PIP4K2A: variants seen among roughly 807,000 people sequenced by gnomAD.
The protein encoded by PIP4K2A is phosphatidylinositol-5-phosphate 4-kinase type 2 alpha, also known as phosphatidylinositol 5-phosphate 4-kinase type-2 alpha.
A neutral mutation model predicts 42.9 loss-of-function variants in PIP4K2A; 14 were observed. That is an observed-to-expected ratio of 0.33 (90% CI 0.22 to 0.51). The LOEUF (loss-of-function observed/expected upper bound fraction) is 0.51, where lower values mean the gene tolerates loss of function less well. Among genes scored for constraint, PIP4K2A ranks in the 20% least tolerant of loss-of-function variants. The pLI is 0.97. For synonymous variants in PIP4K2A, 192 were observed against 192.2 expected (o/e 1.00, Z 0.01); for missense variants, 434 against 519.8 (o/e 0.83, Z 1.61).
intron 7 of PIP4K2A, among the ~76,000 whole-genome samples, chr10:22,544,098 T>C (rs141107622): frequency 1.3e-5 from 2 of 152,166 alleles, no homozygotes; most frequent in East Asian, 3.9e-4. Context: ...AGGAGGAAGG[T>C]AACGAGTTAA....
Position 22,621,499 on chromosome 10 carries a change from C to T in PIP4K2A, c.145-11782G>A, listed in dbSNP as rs1838330387. ...AAGGATGTTCTAAAACTAGAGTTCC[C>T]CAAGTAAGCTGTGAAGGCAAAGCTT... On this transcript the variant is annotated intron_variant, in intron 1 of 9. Transcript: ENST00000376573. 3.3e-5 allele frequency among the ~76,000 whole-genome samples: 5 copies of T among 152,108 alleles called. No individual in the cohort carries two copies. The South Asian group carries it at 1.0e-3, about 32-fold the overall frequency.
chr10:22,544,728 C>G (rs1488413526), intron 7 of PIP4K2A, among the ~76,000 whole-genome samples: 2 of 152,178 alleles, frequency 1.3e-5, no homozygotes, highest in African/African-American at 4.8e-5. Context: ...TCCATAGTGC[C>G]GCGTTTCTCA....
intron 4 of PIP4K2A, among the ~76,000 whole-genome samples, chr10:22,573,787 T>G (rs12261508): frequency 0.16 from 23,986 of 152,250 alleles, 2,532 homozygotes; most frequent in African/African-American, 0.31. Context: ...GATATTACAC[T>G]CCACCTAGCG....
intron 6 of PIP4K2A, among the ~76,000 whole-genome samples, chr10:22,559,679 C>T (rs1039381433): frequency 3.3e-5 from 5 of 152,120 alleles, no homozygotes; most frequent in African/African-American, 1.2e-4. Context: ...ATAGCAATCA[C>T]CTTAATCTAT....
intron 1 of PIP4K2A, among the ~76,000 whole-genome samples, chr10:22,639,165 C>T (rs1838726782): frequency 6.6e-6 from 1 of 152,056 alleles, no homozygotes; most frequent in African/African-American, 2.4e-5. Flanking sequence ...CAGAAAAAAA[C>T]ATTTAAAGCA....
At position 22,537,194 on chromosome 10, in the gene PIP4K2A, C is replaced by G. The variant is rs1438341145; in HGVS notation, c.*7G>C. ...ATGTTCATGTCTGTCCGAGGCTGCG[C>G]AGGAGGTTACGTCAAGATGTGGCCA... is the stretch of plus-strand genomic sequence containing the variant. On this transcript the variant is annotated 3_prime_UTR_variant, in exon 10 of 10. Coordinates refer to ENST00000376573, the MANE Select transcript of PIP4K2A (RefSeq NM_005028.5). The G allele has an allele frequency of 6.3e-7, 1 of 1,596,504 alleles. No individual in the cohort carries two copies. The highest frequency in any genetic ancestry group is 8.6e-7 in the Non-Finnish European group (1 of 1,168,928).
chr10:22,693,172 G>A (rs1012405196), intron 1 of PIP4K2A, among the ~76,000 whole-genome samples: 4 of 152,178 alleles, frequency 2.6e-5, no homozygotes, highest in Non-Finnish European at 5.9e-5. Context: ...ATTTGTCAAG[G>A]TTGCTAAGAA....
At chr10:22,714,137 AGAGGAG>A in intron 1 of PIP4K2A, 40 bp downstream of exon 1, 1 of 1,538,958 alleles carries the variant, frequency 6.5e-7, no homozygotes, top group Non-Finnish European at 8.8e-7. Context: ...ACGAGGAGGA[AGAGGAG>A]GAGGAGGAAG....
chr10:22,646,585 C>G (rs998667079), intron 1 of PIP4K2A, among the ~76,000 whole-genome samples: 1 of 152,194 alleles, frequency 6.6e-6, no homozygotes, highest in Non-Finnish European at 1.5e-5. Flanking sequence ...CAAGACCACC[C>G]TTACTTCTGC....
intron 1 of PIP4K2A, among the ~76,000 whole-genome samples, chr10:22,635,823 A>G (rs753307015): frequency 1.3e-5 from 2 of 152,232 alleles, no homozygotes; most frequent in Non-Finnish European, 2.9e-5. Context: ...AGGAATGCTT[A>G]AGAGGTTTCA....
chr10:22,620,601 T>G (rs1838304226), intron 1 of PIP4K2A, among the ~76,000 whole-genome samples: 1 of 152,232 alleles, frequency 6.6e-6, no homozygotes, highest in African/African-American at 2.4e-5. Context: ...TTTTCAGACT[T>G]GAGAACATTT....
At chr10:22,697,859 A>T (rs537646834) in intron 1 of PIP4K2A, among the ~76,000 whole-genome samples, 1 of 152,340 alleles carries the variant, frequency 6.6e-6, no homozygotes, top group Admixed American at 6.5e-5. Flanking sequence ...CCATAGGTCG[A>T]GTCTAACGTT....
Position 22,637,794 on chromosome 10 carries a change from C to T in PIP4K2A, c.145-28077G>A, listed in dbSNP as rs374145869. Among the ~76,000 whole-genome samples the T allele has an allele frequency of 1.9e-4, 29 of 152,274 alleles. No homozygotes were observed. In the South Asian group the frequency reaches 3.3e-3, roughly 17 times the overall value. ...ACAAAGAGTGTAAAATCCCACAAAA[C>T]GTGTTCATTCAACAGTCTTGATGCC... is the stretch of plus-strand genomic sequence containing the variant. On this transcript the variant is annotated intron_variant, in intron 1 of 9. Coordinates refer to ENST00000376573, the MANE Select transcript of PIP4K2A (RefSeq NM_005028.5).
chr10:22,612,342 AAGGCCCAGGCC>A (rs1838066101), intron 1 of PIP4K2A, among the ~76,000 whole-genome samples: 1 of 152,228 alleles, frequency 6.6e-6, no homozygotes, highest in Non-Finnish European at 1.5e-5. Context: ...AAGTATGGAA[AAGGCCCAGGCC>A]AGATGGGGGA....
At chr10:22,559,541 C>A (rs531660783) in intron 6 of PIP4K2A, among the ~76,000 whole-genome samples, 4 of 152,166 alleles carry the variant, frequency 2.6e-5, no homozygotes, top group African/African-American at 7.2e-5. Context: ...CTTTTTGTCA[C>A]GTGCCATGCT....
intron 4 of PIP4K2A, among the ~76,000 whole-genome samples, chr10:22,577,887 C>T (rs1311874925): frequency 1.3e-5 from 2 of 152,208 alleles, no homozygotes; most frequent in Non-Finnish European, 2.9e-5. Context: ...CTGGCACCGC[C>T]TGGATCCTGG....
chr10:22,673,960 T>G (rs1839505383), intron 1 of PIP4K2A, among the ~76,000 whole-genome samples: 1 of 152,238 alleles, frequency 6.6e-6, no homozygotes. Context: ...CAGAGGAATA[T>G]TACAGCCAAA....
chr10:22,623,839 A>C lies in PIP4K2A; in HGVS notation c.145-14122T>G, dbSNP rs150232798. Among the ~76,000 whole-genome samples, 117 of 152,340 alleles carry C rather than the reference A, an allele frequency of 7.7e-4. 1 individual carries two copies. In the East Asian group the frequency reaches 0.016, roughly 21 times the overall value. ...CAACAAGAAGCCACGTGGCAGGCCT[A>C]AGACTGAGCCCTGAGCTCCCAGGGT... On this transcript the variant is annotated intron_variant, in intron 1 of 9. Coordinates refer to ENST00000376573, the MANE Select transcript of PIP4K2A (RefSeq NM_005028.5).
At chr10:22,691,119 T>C (rs1313985047) in intron 1 of PIP4K2A, among the ~76,000 whole-genome samples, 1 of 152,180 alleles carries the variant, frequency 6.6e-6, no homozygotes, top group Non-Finnish European at 1.5e-5. Context: ...AGACGGTGTG[T>C]GCCAAACAGA....
Sources: allele counts gnomAD v4.1 joint callset (sites outside exome capture counted in the v4.1 genomes callset), GRCh38; gene constraint gnomAD v4.1.1; transcripts MANE v1.5; gene names NCBI Gene and HGNC (gene_info 2026-07-23, HGNC 2026-07-21).